The following ROBO2 variants were observed in gnomAD, a reference collection of about 807,000 sequenced individuals.
The protein encoded by ROBO2 is roundabout guidance receptor 2.
In ROBO2, 53 loss-of-function variants were observed where a neutral mutation model predicts 160.8. The ratio of observed to expected loss-of-function variants is 0.33; its 90% CI spans 0.26 to 0.41. ROBO2 has a LOEUF of 0.41. Ranked by LOEUF, ROBO2 falls within the 10% of genes least tolerant of loss-of-function variation. The probability of loss-of-function intolerance (pLI) is 1.00; values close to 1 mark genes in which losing one functional copy is unlikely to be tolerated. For missense variants in ROBO2, 1,577 were observed against 1,722.4 expected (o/e 0.92, Z 1.49); for synonymous variants, 664 against 611.7 (o/e 1.09, Z -1.26).
intron 2 of ROBO2, among the ~76,000 whole-genome samples, chr3:76,281,846 A>G (rs959849450): frequency 3.9e-5 from 6 of 152,008 alleles, no homozygotes; most frequent in African/African-American, 1.4e-4. Flanking sequence ...TGAGATTGTT[A>G]GCACAAGGAA....
At chr3:76,399,605 T>A (rs2077694933) in intron 2 of ROBO2, among the ~76,000 whole-genome samples, 1 of 151,694 alleles carries the variant, frequency 6.6e-6, no homozygotes, top group African/African-American at 2.4e-5. Context: ...AGTAAAATAG[T>A]TCAGAGTGGA....
intron 2 of ROBO2, among the ~76,000 whole-genome samples, chr3:76,253,237 G>T (rs372125565): frequency 6.6e-6 from 1 of 151,970 alleles, no homozygotes; most frequent in Non-Finnish European, 1.5e-5. Flanking sequence ...TAAATCTAAT[G>T]TAATGAATAG....
chr3:77,161,401 T>C (rs1401927691), intron 2 of ROBO2, among the ~76,000 whole-genome samples: 1 of 152,218 alleles, frequency 6.6e-6, no homozygotes, highest in Non-Finnish European at 1.5e-5. Context: ...ATGTCTCTGA[T>C]GACCACTCTT....
chr3:76,901,655 C>T (rs1414196640), intron 2 of ROBO2, among the ~76,000 whole-genome samples: 1 of 147,572 alleles, frequency 6.8e-6, no homozygotes, highest in Admixed American at 6.8e-5. Flanking sequence ...TATTGAAAGA[C>T]ACTTTTAATT....
At chr3:77,188,839 A>G (rs2081526832) in intron 2 of ROBO2, among the ~76,000 whole-genome samples, 1 of 151,886 alleles carries the variant, frequency 6.6e-6, no homozygotes, top group Non-Finnish European at 1.5e-5. Flanking sequence ...GCAGACTAGA[A>G]TAAAAGGGAT....
chr3:77,476,251 C>A (rs769139407), intron 2 of ROBO2, among the ~76,000 whole-genome samples: 1 of 152,106 alleles, frequency 6.6e-6, no homozygotes, highest in Non-Finnish European at 1.5e-5. Flanking sequence ...TTATAGGACA[C>A]GGAAGGCAGT....
At chr3:77,553,862 G>A (rs995425032) in intron 8 of ROBO2, among the ~76,000 whole-genome samples, 1 of 143,952 alleles carries the variant, frequency 6.9e-6, no homozygotes, top group Non-Finnish European at 1.5e-5. Flanking sequence ...ACAAGGTAAA[G>A]CATCAAGGGC....
At chr3:76,508,971 T>C (rs1340163077) in intron 2 of ROBO2, among the ~76,000 whole-genome samples, 2 of 152,212 alleles carry the variant, frequency 1.3e-5, no homozygotes, top group African/African-American at 4.8e-5. Flanking sequence ...ACAATGCATA[T>C]GTAGATATGT....
At chr3:76,603,879 C>T (rs953598352) in intron 2 of ROBO2, among the ~76,000 whole-genome samples, 3 of 151,994 alleles carry the variant, frequency 2.0e-5, no homozygotes, top group African/African-American at 7.3e-5. Context: ...ATTAAATATA[C>T]ATATATATTA....
Position 77,595,226 on chromosome 3 carries a change from T to C in ROBO2, c.2726+42T>C, listed in dbSNP as rs1212113652. On this transcript the variant is annotated intron_variant, in intron 18 of 25. Transcript: ENST00000461745. ...GTTTCATTATTATTTTTATTTTTAATCAGGACTGGGGAAACTCTATAGTAA... is the reference window on the plus strand; with the variant it reads ...GTTTCATTATTATTTTTATTTTTAACCAGGACTGGGGAAACTCTATAGTAA... 9 of 1,471,810 alleles carry C rather than the reference T, an allele frequency of 6.1e-6. No individual in the cohort carries two copies. In the African/African-American group the frequency reaches 1.3e-4, roughly 20 times the overall value. The allele number at this position is 1,471,810 out of a possible 1,614,324, so 91.2% of individuals were successfully genotyped here. A position where few individuals can be genotyped will look rare whatever the true frequency, so the allele number is the denominator to read the frequency against.
rs143424537 is a variant in ROBO2, at chr3:76,931,760, C to T, written c.110-166254C>T. Among the ~76,000 whole-genome samples, 499 of 152,254 alleles carry T rather than the reference C, an allele frequency of 3.3e-3. 4 individuals carry two copies. The highest frequency in any genetic ancestry group is 0.012 in the African/African-American group (481 of 41,536). On this transcript the variant is annotated intron_variant, in intron 2 of 26. Transcript: ENST00000487694. Reference sequence around the variant, plus strand: ...GCAGTGGCATGATCTCAGCTCACTGCAGCCTTTGCTTCCCGGATTCAAGCG... The same window carrying T: ...GCAGTGGCATGATCTCAGCTCACTGTAGCCTTTGCTTCCCGGATTCAAGCG...
intron 2 of ROBO2, among the ~76,000 whole-genome samples, chr3:76,391,789 G>A (rs1416029590): frequency 6.6e-6 from 1 of 152,168 alleles, no homozygotes; most frequent in African/African-American, 2.4e-5. Context: ...AATTAAAGGT[G>A]TGAGACACCG....
chr3:76,109,408 AC>A (rs2070112323), intron 2 of ROBO2, among the ~76,000 whole-genome samples: 1 of 152,054 alleles, frequency 6.6e-6, no homozygotes, highest in Non-Finnish European at 1.5e-5. Flanking sequence ...GATGTCAGGT[AC>A]CACTACTACT....
intron 5 of ROBO2, among the ~76,000 whole-genome samples, chr3:77,514,769 G>T (rs1212588717): frequency 6.6e-6 from 1 of 151,688 alleles, no homozygotes; most frequent in East Asian, 1.9e-4. Context: ...CCAATGTAAT[G>T]GTTACAATGA....
chr3:76,944,769 A>G (rs1342473266), intron 2 of ROBO2, among the ~76,000 whole-genome samples: 2 of 152,170 alleles, frequency 1.3e-5, no homozygotes, highest in Non-Finnish European at 2.9e-5. Flanking sequence ...GAATTATCAG[A>G]ATTGTAACAG....
intron 2 of ROBO2, among the ~76,000 whole-genome samples, chr3:76,499,849 T>C (rs1046187247): frequency 6.6e-6 from 1 of 152,164 alleles, no homozygotes; most frequent in Non-Finnish European, 1.5e-5. Flanking sequence ...CTTTACAGAC[T>C]ATGAATTCTC....
chr3:76,569,723 C>CT (rs1487543059), intron 2 of ROBO2, among the ~76,000 whole-genome samples: 6 of 152,160 alleles, frequency 3.9e-5, no homozygotes, highest in Non-Finnish European at 8.8e-5. Flanking sequence ...GAATCCAGCT[C>CT]TATTCCCAAG....
intron 2 of ROBO2, among the ~76,000 whole-genome samples, chr3:77,430,014 G>A (rs1411740391): frequency 6.6e-6 from 1 of 152,108 alleles, no homozygotes; most frequent in Non-Finnish European, 1.5e-5. Context: ...TGATCGATAT[G>A]TTTCATATAA....
At chr3:77,296,480 C>T (rs1010386420) in intron 2 of ROBO2, among the ~76,000 whole-genome samples, 1 of 152,136 alleles carries the variant, frequency 6.6e-6, no homozygotes, top group Non-Finnish European at 1.5e-5. Context: ...GGACTTGCCT[C>T]AGATGTTGGT....
Sources: allele counts gnomAD v4.1 joint callset (sites outside exome capture counted in the v4.1 genomes callset), GRCh38; gene constraint gnomAD v4.1.1; transcripts MANE v1.5; gene names NCBI Gene and HGNC (gene_info 2026-07-23, HGNC 2026-07-21).